PLD5: variants seen among roughly 807,000 people sequenced by gnomAD.
The protein encoded by PLD5 is phospholipase D family member 5.
Under a neutral mutation model 61.1 loss-of-function variants are expected in PLD5, and 36 were observed. The observed-to-expected ratio is 0.59, with a 90% CI of 0.45 to 0.78. PLD5 has a LOEUF of 0.78. Among genes scored for constraint, PLD5 ranks in the 30% least tolerant of loss-of-function variants. The pLI is 0.00. For missense variants in PLD5, 515 were observed against 644.4 expected, an observed-to-expected ratio of 0.80 and a Z score of 2.17; for synonymous variants, 243 against 242.8, an observed-to-expected ratio of 1.00 and a Z score of -0.01.
chr1:242,143,606 A>G (rs1664334411), intron 5 of PLD5, among the ~76,000 whole-genome samples: 1 of 152,270 alleles, frequency 6.6e-6, no homozygotes, highest in East Asian at 1.9e-4. Context: ...GAGAAATATC[A>G]GAAATATAAA....
chr1:242,303,741 G>T (rs1676189957), intron 2 of PLD5, among the ~76,000 whole-genome samples: 1 of 152,190 alleles, frequency 6.6e-6, no homozygotes, highest in Non-Finnish European at 1.5e-5. Context: ...CCAGGAAAAA[G>T]ATAGTAGAGC....
At position 242,083,826 on chromosome 1, in the gene PLD5, G is replaced by A. The variant is rs774602354; in HGVS notation, c.*6028C>T. On this transcript the variant is annotated 3_prime_UTR_variant, in exon 10 of 10. Coordinates refer to ENST00000536534, the MANE Select transcript of PLD5 (RefSeq NM_001372062.1). The stretch of plus-strand genomic sequence containing the variant: ...TTGGAAAGTAACATATAATTTCAAC[G>A]TTTTTAATCCTGGGAATTGAGGTCA... 7.3e-5 allele frequency: 11 copies of A among 151,712 alleles called. No individual in the cohort carries two copies. Among genetic ancestry groups the A allele is most frequent in the South Asian group, 2.1e-4 (1 of 4,806 alleles). The allele number at this position is 151,712 out of a possible 1,614,324, so 9.4% of individuals were successfully genotyped here.
chr1:242,209,589 T>C (rs540840753), intron 5 of PLD5, among the ~76,000 whole-genome samples: 1 of 152,314 alleles, frequency 6.6e-6, no homozygotes, highest in Admixed American at 6.5e-5. Context: ...CAGCACAACC[T>C]GCACCCGTCT....
At chr1:242,422,219 CAGG>C (rs71680194) in intron 1 of PLD5, among the ~76,000 whole-genome samples, 10,030 of 151,986 alleles carry the variant, frequency 0.066, 407 homozygotes, top group African/African-American at 0.11. Flanking sequence ...GGAGGGAGGG[CAGG>C]AGGAGAAGGG....
intron 1 of PLD5, among the ~76,000 whole-genome samples, chr1:242,399,285 G>T (rs958693413): frequency 1.3e-5 from 2 of 152,182 alleles, no homozygotes; most frequent in East Asian, 1.9e-4. Flanking sequence ...TTTTCTCAGC[G>T]TGAGTAGAGA....
rs555982863 is a variant in PLD5, at chr1:242,296,388, C to A, written c.327-7858G>T. Among the ~76,000 whole-genome samples, 14 of 152,202 alleles carry A rather than the reference C, an allele frequency of 9.2e-5. No individual in the cohort carries two copies. In the South Asian group the frequency reaches 2.5e-3, roughly 27 times the overall value. On this transcript the variant is annotated intron_variant, in intron 2 of 9. Transcript: ENST00000536534. ...AAAAGCTCTTTAGTTTAATTAATTG[C>A]CATTAGTCTATTTTTGGTTTTGTTA...
At chr1:242,249,542 G>C (rs1672589142) in intron 4 of PLD5, among the ~76,000 whole-genome samples, 1 of 152,194 alleles carries the variant, frequency 6.6e-6, no homozygotes, top group African/African-American at 2.4e-5. Context: ...CCAGGGGGTA[G>C]TGAAACATTA....
chr1:242,425,857 A>T (rs1665393660), intron 1 of PLD5, among the ~76,000 whole-genome samples: 1 of 151,832 alleles, frequency 6.6e-6, no homozygotes, highest in African/African-American at 2.4e-5. Context: ...GTTGGACAGG[A>T]TGGTCTCGAT....
chr1:242,287,877 G>C (rs561005407), intron 3 of PLD5, among the ~76,000 whole-genome samples: 9 of 152,284 alleles, frequency 5.9e-5, no homozygotes, highest in Admixed American at 1.3e-4. Flanking sequence ...AAATACGACA[G>C]TCGAGAAAAA....
At chr1:242,519,155 C>CT (rs1244283144) in intron 1 of PLD5, among the ~76,000 whole-genome samples, 1 of 152,200 alleles carries the variant, frequency 6.6e-6, no homozygotes, top group Non-Finnish European at 1.5e-5. Flanking sequence ...AGGTTGAACT[C>CT]TGTCTTCTGG....
intron 1 of PLD5, chr1:242,449,409 C>A (rs1666690805): frequency 6.5e-7 from 1 of 1,535,938 alleles, no homozygotes; most frequent in Non-Finnish European, 8.7e-7. Flanking sequence ...GGAGCTGTCG[C>A]TGATGTGCTG....
At chr1:242,505,264 T>C (rs550086208) in intron 1 of PLD5, among the ~76,000 whole-genome samples, 2 of 152,230 alleles carry the variant, frequency 1.3e-5, no homozygotes, top group Non-Finnish European at 2.9e-5. Flanking sequence ...CACCACTTTT[T>C]ATTCTGTTTT....
At chr1:242,441,707 G>C (rs940553963) in intron 1 of PLD5, among the ~76,000 whole-genome samples, 2 of 151,904 alleles carry the variant, frequency 1.3e-5, no homozygotes, top group Non-Finnish European at 2.9e-5. Flanking sequence ...CCCTCTTCCC[G>C]AGGAACACAG....
At chr1:242,250,575 A>C (rs150186853) in intron 4 of PLD5, among the ~76,000 whole-genome samples, 53 of 152,366 alleles carry the variant, frequency 3.5e-4, no homozygotes, top group African/African-American at 1.3e-3. Context: ...CTTAAATTTA[A>C]ATCGATACAT....
intron 1 of PLD5, among the ~76,000 whole-genome samples, chr1:242,428,264 C>G (rs1665538882): frequency 6.6e-6 from 1 of 152,162 alleles, no homozygotes; most frequent in Non-Finnish European, 1.5e-5. Flanking sequence ...GAAACAAAAG[C>G]CAAAATCACT....
Position 242,249,577 on chromosome 1 carries a change from G to A in PLD5, c.607+15760C>T, listed in dbSNP as rs573013920. 4.0e-4 allele frequency among the ~76,000 whole-genome samples: 61 copies of A among 152,280 alleles called. 1 individual carries two copies. In the East Asian group the frequency reaches 0.011, roughly 28 times the overall value. Reference sequence around the variant, plus strand: ...AATACCCTTGACTTTTTCTTGAGAAGGAAATCACTTAATACCTCTGCCCAA... The same window carrying A: ...AATACCCTTGACTTTTTCTTGAGAAAGAAATCACTTAATACCTCTGCCCAA... On this transcript the variant is annotated intron_variant, in intron 4 of 9. Coordinates refer to ENST00000536534, the MANE Select transcript of PLD5 (RefSeq NM_001372062.1).
intron 3 of PLD5, among the ~76,000 whole-genome samples, chr1:242,275,920 T>G (rs1301192399): frequency 6.6e-6 from 1 of 152,112 alleles, no homozygotes; most frequent in Non-Finnish European, 1.5e-5. Flanking sequence ...AAGGACACAA[T>G]CACGTTTTTG....
At chr1:242,282,777 T>C (rs1189420132) in intron 3 of PLD5, among the ~76,000 whole-genome samples, 3 of 152,186 alleles carry the variant, frequency 2.0e-5, no homozygotes, top group Non-Finnish European at 4.4e-5. Flanking sequence ...TCCCATCATT[T>C]TGTCTCATAA....
intron 2 of PLD5, among the ~76,000 whole-genome samples, chr1:242,296,749 C>T (rs1377434039): frequency 6.6e-6 from 1 of 152,068 alleles, no homozygotes; most frequent in Non-Finnish European, 1.5e-5. Context: ...CTATGTTGTT[C>T]AGGCTGAAGT....
Sources: allele counts gnomAD v4.1 joint callset (sites outside exome capture counted in the v4.1 genomes callset), GRCh38; gene constraint gnomAD v4.1.1; transcripts MANE v1.5; gene names NCBI Gene and HGNC (gene_info 2026-07-23, HGNC 2026-07-21).